RIPK2: variants seen among roughly 807,000 people sequenced by gnomAD.
The protein encoded by RIPK2 is receptor-interacting serine/threonine-protein kinase 2.
RIPK2 carries 38 observed loss-of-function variants against 60.9 expected under a neutral mutation model. That is an observed-to-expected ratio of 0.62 (90% CI 0.48 to 0.82). RIPK2 has a LOEUF of 0.82. Ranked by LOEUF, RIPK2 falls within the 40% of genes least tolerant of loss-of-function variation. The pLI is 0.00. For missense variants in RIPK2, 518 were observed against 647.0 expected, an observed-to-expected ratio of 0.80 and a Z score of 2.16; for synonymous variants, 225 against 223.4, an observed-to-expected ratio of 1.01 and a Z score of -0.06.
intron 6 of RIPK2, among the ~76,000 whole-genome samples, chr8:89,778,023 A>G (rs1310953462): frequency 6.6e-6 from 1 of 152,184 alleles, no homozygotes; most frequent in Non-Finnish European, 1.5e-5. Context: ...CTACTTTTGG[A>G]CAAACCTACT....
chr8:89,778,898 G>A (rs1391961108), intron 6 of RIPK2, among the ~76,000 whole-genome samples: 2 of 152,286 alleles, frequency 1.3e-5, no homozygotes, highest in East Asian at 3.9e-4. Flanking sequence ...GTTTTCCAAA[G>A]TAGCTGCATT....
intron 8 of RIPK2, among the ~76,000 whole-genome samples, chr8:89,785,067 A>G (rs965487833): frequency 6.6e-6 from 1 of 151,984 alleles, no homozygotes; most frequent in Non-Finnish European, 1.5e-5. Context: ...ATTAAGCCCC[A>G]CCTCCCAACA....
intron 9 of RIPK2, among the ~76,000 whole-genome samples, chr8:89,787,167 A>C (rs1809601221): frequency 6.6e-6 from 1 of 152,178 alleles, no homozygotes; most frequent in Non-Finnish European, 1.5e-5. Context: ...CTGTGTCAAA[A>C]AATAAATTTT....
At chr8:89,784,226 T>A in intron 8 of RIPK2, 87 bp downstream of exon 8, 1 of 792,164 alleles carries the variant, frequency 1.3e-6, no homozygotes, top group Non-Finnish European at 1.9e-6. Context: ...AAGCCCTTCT[T>A]TTATAGAAGG....
intron 6 of RIPK2, among the ~76,000 whole-genome samples, chr8:89,775,739 C>T (rs986890978): frequency 6.6e-6 from 1 of 151,642 alleles, no homozygotes; most frequent in Non-Finnish European, 1.5e-5. Flanking sequence ...GTTATAGAAC[C>T]CTGAAGGAAT....
In RIPK2 at chr8:89,765,335, A is replaced by T; in HGVS notation, c.328-6A>T. 6.3e-7 allele frequency: 1 copy of T among 1,593,398 alleles called. No homozygotes were observed. The highest frequency in any genetic ancestry group is 8.6e-7 in the Non-Finnish European group (1 of 1,167,510). ...TCATTTTCTTTCTTTTCACATATAT[A>T]TGAAGAAAACTGAATATCCTGATGT... On this transcript the variant is annotated splice_polypyrimidine_tract_variant and splice_region_variant and intron_variant, in intron 2 of 10. Coordinates refer to ENST00000220751, the MANE Select transcript of RIPK2 (RefSeq NM_003821.6).
chr8:89,789,773 A>G (rs950530112), intron 10 of RIPK2, among the ~76,000 whole-genome samples: 6 of 152,322 alleles, frequency 3.9e-5, no homozygotes, highest in Middle Eastern at 3.4e-3. Flanking sequence ...TATATTTGAA[A>G]TAAAATGGAC....
At position 89,757,884 on chromosome 8, in the gene RIPK2, G is replaced by C; in HGVS notation, c.-177G>C. The C allele has an allele frequency of 4.4e-6, 6 of 1,365,214 alleles. No homozygotes were observed. Among genetic ancestry groups the C allele is most frequent in the Non-Finnish European group, 5.7e-6 (6 of 1,060,404 alleles). 84.6% of individuals were successfully genotyped at this position (1,365,214 alleles called of 1,614,324 possible). On this transcript the variant is annotated 5_prime_UTR_variant, in exon 1 of 11. Coordinates refer to ENST00000220751, the MANE Select transcript of RIPK2 (RefSeq NM_003821.6). ...GTCAGCTCTGGTTCGGAGAAGCAGCGGCTGGCGTGGGCCATCCGGGGAATG... is the reference window on the plus strand; with the variant it reads ...GTCAGCTCTGGTTCGGAGAAGCAGCCGCTGGCGTGGGCCATCCGGGGAATG...
In RIPK2 at chr8:89,790,497, CGTGA is replaced by C; in HGVS notation, c.*84_*87del. 1 of 1,005,682 alleles carries C rather than the reference CGTGA, an allele frequency of 9.9e-7. No individual in the cohort carries two copies. The highest frequency in any genetic ancestry group is 1.4e-6 in the Non-Finnish European group (1 of 699,272). 62.3% of individuals were successfully genotyped at this position (1,005,682 alleles called of 1,614,324 possible). Reference sequence around the variant, plus strand: ...GCTTTGACTTTTTTTATATAAAATCCGTGAGTATTAAAGCTTTATTGAAGGTTCT... The same window carrying C: ...GCTTTGACTTTTTTTATATAAAATCCGTATTAAAGCTTTATTGAAGGTTCT... On this transcript the variant is annotated 3_prime_UTR_variant, in exon 11 of 11. Transcript: ENST00000220751.
Position 89,765,421 on chromosome 8 carries a change from C to T in RIPK2, c.408C>T (p.His136=). Residue 136 remains histidine (H), a synonymous_variant, in exon 3 of 11, where the codon CAC becomes CAT. Coordinates refer to ENST00000220751, the MANE Select transcript of RIPK2 (RefSeq NM_003821.6). The stretch of plus-strand genomic sequence containing the variant: ...TTGCCCTTGGTGTAAATTACCTGCA[C>T]AATATGACTCCTCCTTTACTTCATC... ...HEIALGVNYL[H]NMTPPLLHHD... The T allele has an allele frequency of 1.2e-6, 2 of 1,600,240 alleles. No homozygotes were observed. The highest frequency in any genetic ancestry group is 1.7e-6 in the Non-Finnish European group (2 of 1,168,118).
At position 89,772,754 on chromosome 8, in the gene RIPK2, C is replaced by G; in HGVS notation, c.779C>G (p.Pro260Arg). The change falls in exon 6 of 11, where the codon CCT becomes CGT. Residue 260 changes from proline (P) to arginine (R), a missense_variant. Transcript: ENST00000220751. ...GAAGAAAGTTTGCCATATGATATACCTCACCGAGCACGTATGATCTCTCTA... is the reference window on the plus strand; with the variant it reads ...GAAGAAAGTTTGCCATATGATATACGTCACCGAGCACGTATGATCTCTCTA... The part of the protein sequence containing the change: ...INEESLPYDI[P>R]HRARMISLIE... The G allele has an allele frequency of 6.2e-7, 1 of 1,611,756 alleles. No homozygotes were observed. The highest frequency in any genetic ancestry group is 8.5e-7 in the Non-Finnish European group (1 of 1,178,378).
At chr8:89,762,760 T>C in intron 1 of RIPK2, 69 bp from the exon 2 acceptor site, 1 of 880,360 alleles carries the variant, frequency 1.1e-6, no homozygotes, top group South Asian at 3.4e-5. Context: ...AAATCCAGGC[T>C]TAGTCTTATA....
intron 7 of RIPK2, 109 bp downstream of exon 7, chr8:89,780,269 T>C (rs1586130003): frequency 5.6e-6 from 3 of 537,818 alleles, no homozygotes; most frequent in Non-Finnish European, 9.6e-6. Context: ...TACACAGATA[T>C]AAGCTACAGT....
chr8:89,773,457 C>T (rs447618), intron 6 of RIPK2, among the ~76,000 whole-genome samples: 100,258 of 152,008 alleles, frequency 0.66, 34,904 homozygotes, highest in African/African-American at 0.9. Context: ...GGCTGGAATA[C>T]AGTGAGCAAG....
intron 9 of RIPK2, among the ~76,000 whole-genome samples, chr8:89,789,104 C>T (rs1809632725): frequency 6.6e-6 from 1 of 152,138 alleles, no homozygotes; most frequent in Non-Finnish European, 1.5e-5. Context: ...ACAGAACAGA[C>T]AATTTCTGAC....
chr8:89,787,981 A>G (rs1461527033), intron 9 of RIPK2, among the ~76,000 whole-genome samples: 1 of 152,162 alleles, frequency 6.6e-6, no homozygotes. Flanking sequence ...GAGAGAAAAA[A>G]GAGGTAAAGC....
Position 89,765,633 on chromosome 8 carries a change from CT to C in RIPK2, c.483+138del, listed in dbSNP as rs1809215090. 5.9e-6 allele frequency: 3 copies of C among 504,434 alleles called. No individual in the cohort carries two copies. In the South Asian group the frequency reaches 1.1e-4, roughly 19 times the overall value. The allele number at this position is 504,434 out of a possible 1,614,324, so 31.2% of individuals were successfully genotyped here. A position where few individuals can be genotyped will look rare whatever the true frequency, so the allele number is the denominator to read the frequency against. On this transcript the variant is annotated intron_variant, in intron 3 of 10. Coordinates refer to ENST00000220751, the MANE Select transcript of RIPK2 (RefSeq NM_003821.6). ...TAATGAATAGTAATTTCCATAGCCC[CT>C]AATTTCTATCTTCTATTCTCCTTCT...
Position 89,780,108 on chromosome 8 carries a change from C to A in RIPK2, c.887C>A (p.Thr296Lys). ...ATAGAACTTGAACCAGTTTTGAGAA[C>A]ATTTGAAGAGATAACTTTTCTTGAA... ...CLIELEPVLR[T>K]FEEITFLEAV... Residue 296 changes from threonine to lysine, a missense_variant, in exon 7 of 11, where the codon ACA becomes AAA. Physicochemically the swap from Thr to Lys is moderately conservative, Grantham distance 78. This residue lies in a region of RIPK2 where 448 missense variants were observed against 534.7 expected (regional missense o/e 0.84). Transcript: ENST00000220751. 3 of 1,571,418 alleles carry A rather than the reference C, an allele frequency of 1.9e-6. No individual in the cohort carries two copies. Among genetic ancestry groups the A allele is most frequent in the East Asian group, 2.3e-5 (1 of 44,178 alleles).
intron 7 of RIPK2, among the ~76,000 whole-genome samples, chr8:89,781,077 C>G (rs985851111): frequency 1.3e-5 from 2 of 151,540 alleles, no homozygotes; most frequent in Non-Finnish European, 2.9e-5. Flanking sequence ...TTAAATTGTA[C>G]TTAATATATG....
Sources: allele counts gnomAD v4.1 joint callset (sites outside exome capture counted in the v4.1 genomes callset), GRCh38; gene constraint gnomAD v4.1.1; regional missense constraint gnomAD v4.1.1; transcripts MANE v1.5; gene names NCBI Gene and HGNC (gene_info 2026-07-23, HGNC 2026-07-21).